APC2: variants seen among roughly 807,000 people sequenced by gnomAD.
APC2 encodes the protein adenomatous polyposis coli protein 2.
Under a neutral mutation model 72.5 loss-of-function variants are expected in APC2, and 41 were observed. The ratio of observed to expected loss-of-function variants is 0.57; its 90% CI spans 0.44 to 0.73. The LOEUF (loss-of-function observed/expected upper bound fraction) is 0.73. Ranked by LOEUF, APC2 falls within the 30% of genes least tolerant of loss-of-function variation. APC2 has a pLI of 0.00. For missense variants in APC2, 3,729 were observed against 3,403.4 expected (o/e 1.10, Z -2.38); for synonymous variants, 1,898 against 1,612.0 (o/e 1.18, Z -4.25).
chr19:1,460,798 C>T lies in APC2; in HGVS notation c.1462C>T (p.Arg488Cys), dbSNP rs767872968. The change falls in exon 12 of 15, where the codon CGC becomes TGC. Residue 488 changes from arginine (R) to cysteine (C), a missense_variant. By Grantham distance (180) the Arg-to-Cys change is radical. Transcript: ENST00000590469. ...VANKATLCAR[R>C]GCMEAIVAQL... ...CCAACAGGCCACCCTGTGTGCGCGC[C>T]GCGGCTGCATGGAGGCCATCGTGGC... 12 of 1,613,014 alleles carry T rather than the reference C, an allele frequency of 7.4e-6. No individual in the cohort carries two copies. The highest frequency in any genetic ancestry group is 2.2e-5 in the East Asian group (1 of 44,894).
Position 1,462,089 on chromosome 19 carries a change from T to G in APC2, c.1765T>G (p.Cys589Gly). The G allele has an allele frequency of 6.2e-7, 1 of 1,612,934 alleles. No individual in the cohort carries two copies. The highest frequency in any genetic ancestry group is 1.1e-5 in the South Asian group (1 of 91,084). ...GFLVSTLTYKCQSNSLAIIES... is the reference protein window; with the variant it reads ...GFLVSTLTYKGQSNSLAIIES... ...CCTGGTGAGCACCCTGACCTACAAG[T>G]GTCAGAGCAACTCGCTGGCCATCAT... The change falls in exon 14 of 15, where the codon TGT becomes GGT. Residue 589 changes from cysteine to glycine, a missense_variant. Coordinates refer to ENST00000590469, the MANE Select transcript of APC2 (RefSeq NM_005883.3).
In APC2 at chr19:1,453,582, C is replaced by A. The variant is rs1214826259; in HGVS notation, c.384C>A (p.Ile128=). The A allele has an allele frequency of 1.2e-6, 2 of 1,607,766 alleles. No individual in the cohort carries two copies. Among genetic ancestry groups the A allele is most frequent in the Non-Finnish European group, 1.7e-6 (2 of 1,177,904 alleles). The stretch of plus-strand genomic sequence containing the variant: ...TTGGGGAGCTGAGCCGGGCCACCAT[C>A]CGGCTGCTGGAGGAACTGGACCGGG... ...DSFGELSRAT[I]RLLEELDRER... Residue 128 remains isoleucine, a synonymous_variant, in exon 4 of 15, where the codon ATC becomes ATA. Coordinates refer to ENST00000590469, the MANE Select transcript of APC2 (RefSeq NM_005883.3).
In APC2 at chr19:1,470,547, G is replaced by A. The variant is rs78332030; in HGVS notation, c.*334G>A. 0.041 allele frequency: 10,282 copies of A among 251,712 alleles called. 289 individuals carry two copies. The highest frequency in any genetic ancestry group is 0.084 in the Middle Eastern group (68 of 810). The allele number at this position is 251,712 out of a possible 1,614,324, so 15.6% of individuals were successfully genotyped here. On this transcript the variant is annotated 3_prime_UTR_variant, in exon 15 of 15. Coordinates refer to ENST00000590469, the MANE Select transcript of APC2 (RefSeq NM_005883.3). ...TTGCTTGACCCCGGGCGAGGGAGGC[G>A]GTAGCCTCCGGGTCCGGGTCTGGGT...
At position 1,460,545 on chromosome 19, in the gene APC2, C is replaced by G. The variant is rs544926204; in HGVS notation, c.1443+225C>G. Among the ~76,000 whole-genome samples, 3 of 152,382 alleles carry G rather than the reference C, an allele frequency of 2.0e-5. No individual in the cohort carries two copies. In the South Asian group the frequency reaches 6.2e-4, roughly 32 times the overall value. ...GTCCTCACGCCCACCCTGTTGCTGC[C>G]TCTGCAGAAAATGGCCCTCATTGTA... On this transcript the variant is annotated intron_variant, in intron 11 of 14. Coordinates refer to ENST00000590469, the MANE Select transcript of APC2 (RefSeq NM_005883.3).
intron 10 of APC2, 80 bp downstream of exon 10, chr19:1,458,140 G>A: frequency 1.5e-6 from 2 of 1,327,204 alleles, no homozygotes; most frequent in Non-Finnish European, 2.1e-6. Context: ...AAGGGACACA[G>A]GCTGGGTCAT....
intron 7 of APC2, 34 bp from the exon 8 acceptor site, chr19:1,456,272 G>A (rs2083824350): frequency 6.3e-7 from 1 of 1,586,032 alleles, no homozygotes. Context: ...GGTGCTCTGG[G>A]ACTGTACCCC....
At chr19:1,460,520 G>A (rs1039591105) in intron 11 of APC2, among the ~76,000 whole-genome samples, 200 bp downstream of exon 11, 2 of 152,240 alleles carry the variant, frequency 1.3e-5, no homozygotes, top group Non-Finnish European at 1.5e-5. Context: ...ACCTGGCGGT[G>A]TCCTCACGCC....
chr19:1,465,943 A>G lies in APC2; in HGVS notation c.2642A>G (p.Gln881Arg). ...AGCCTCAGCTCTGGAGACCCGGGACAGGAGGCGCCACGGGAGGGCCGCGCC... is the reference window on the plus strand; with the variant it reads ...AGCCTCAGCTCTGGAGACCCGGGACGGGAGGCGCCACGGGAGGGCCGCGCC... Reference protein sequence around the residue: ...SFSLSSGDPGQEAPREGRAQS... With the variant: ...SFSLSSGDPGREAPREGRAQS... The change falls in exon 15 of 15, where the codon CAG becomes CGG. Residue 881 changes from glutamine (Q) to arginine (R), a missense_variant. Gln to Arg is a conservative substitution (Grantham distance 43). Coordinates refer to ENST00000590469, the MANE Select transcript of APC2 (RefSeq NM_005883.3). The G allele has an allele frequency of 6.3e-7, 1 of 1,581,132 alleles. No individual in the cohort carries two copies. The highest frequency in any genetic ancestry group is 8.6e-7 in the Non-Finnish European group (1 of 1,169,190).
chr19:1,446,368 G>A (rs1599122818), upstream of APC2: 1 of 985,378 alleles, frequency 1.0e-6, no homozygotes, highest in Non-Finnish European at 1.2e-6. The surrounding 1 kb of genome is among the most constrained non-coding windows in gnomAD (Gnocchi z 6.1). Flanking sequence ...GAGCCGTTGG[G>A]GAGGGCTCCG....
chr19:1,467,625 C>T lies in APC2; in HGVS notation c.4324C>T (p.Arg1442Trp), dbSNP rs1270291994. The change falls in exon 15 of 15, where the codon CGG (arginine) becomes TGG (tryptophan). Residue 1442 changes from arginine (R) to tryptophan (W), a missense_variant. Transcript: ENST00000590469. The part of the protein sequence containing the change: ...PTSARQAMGH[R>W]HKAGGAGRSA... ...CTCTGCCAGACAGGCCATGGGGCAC[C>T]GGCACAAGGCGGGAGGCGCCGGCCG... 9 of 1,488,182 alleles carry T rather than the reference C, an allele frequency of 6.0e-6. No homozygotes were observed. Among genetic ancestry groups the T allele is most frequent in the African/African-American group, 4.4e-5 (3 of 68,430 alleles). 92.2% of individuals were successfully genotyped at this position (1,488,182 alleles called of 1,614,324 possible).
chr19:1,469,409 CT>C lies in APC2; in HGVS notation c.6110del (p.Phe2037SerfsTer298). The C allele has an allele frequency of 8.3e-7, 1 of 1,203,650 alleles. No individual in the cohort carries two copies. Among genetic ancestry groups the C allele is most frequent in the Non-Finnish European group, 1.0e-6 (1 of 970,898 alleles). The allele number at this position is 1,203,650 out of a possible 1,614,324, so 74.6% of individuals were successfully genotyped here. On this transcript the variant is annotated frameshift_variant, in exon 15 of 15. Transcript: ENST00000590469. LOFTEE classifies it low-confidence loss of function (END_TRUNC). ...RRGRPALPAV[F>X]LCSSRCEELR... is the part of the protein sequence containing the mutation. ...GCGGCCGGCCCGCGCTGCCCGCCGT[CT>C]TCCTCTGCTCCTCGCGCTGCGAAGA...
At chr19:1,463,618 C>T (rs1223502742) in intron 14 of APC2, among the ~76,000 whole-genome samples, 4 of 149,598 alleles carry the variant, frequency 2.7e-5, no homozygotes, top group Non-Finnish European at 4.4e-5. Flanking sequence ...CTTGGCTTGG[C>T]GTCCACATGT....
chr19:1,465,018 A>T (rs2083983610), intron 14 of APC2, 137 bp from the exon 15 acceptor site: 1 of 827,994 alleles, frequency 1.2e-6, no homozygotes, highest in African/African-American at 1.8e-5. Context: ...GGATATACTT[A>T]TACCAAAAAT....
Position 1,466,516 on chromosome 19 carries a change from C to A in APC2, c.3215C>A (p.Ser1072Tyr), listed in dbSNP as rs1294337241. The change falls in exon 15 of 15, where the codon TCC becomes TAC. Residue 1072 changes from serine to tyrosine, a missense_variant. By Grantham distance (144) the Ser-to-Tyr change is moderately radical (BLOSUM62 -2). Coordinates refer to ENST00000590469, the MANE Select transcript of APC2 (RefSeq NM_005883.3). ...CCACTCTCGCTGTCCCGATGCAGCT[C>A]CCTTTCCTCGCTGTCCTCGGCCGGC... is the stretch of plus-strand genomic sequence containing the variant. ...EGPLSLSRCS[S>Y]LSSLSSAGRP... is the part of the protein sequence containing the mutation. 6.3e-7 allele frequency: 1 copy of A among 1,595,780 alleles called. No individual in the cohort carries two copies. The highest frequency in any genetic ancestry group is 1.7e-5 in the Admixed American group (1 of 59,722).
chr19:1,467,724 G>T lies in APC2; in HGVS notation c.4423G>T (p.Ala1475Ser), dbSNP rs769963414. Residue 1475 changes from alanine to serine, a missense_variant, in exon 15 of 15, where the codon GCC becomes TCC. Ala to Ser is a moderately conservative substitution (Grantham distance 99). Transcript: ENST00000590469. ...LELPLGRPPS[A>S]PADKDGSKPG... ...GCTGCCCCTGGGCCGGCCCCCGAGC[G>T]CCCCCGCAGACAAGGACGGCTCAAA... is the stretch of plus-strand genomic sequence containing the variant. The T allele has an allele frequency of 8.4e-6, 12 of 1,434,862 alleles. No homozygotes were observed. The highest frequency in any genetic ancestry group is 1.1e-5 in the Non-Finnish European group (12 of 1,103,096). 88.9% of individuals were successfully genotyped at this position (1,434,862 alleles called of 1,614,324 possible).
intron 10 of APC2, chr19:1,458,608 G>C (rs978071936): frequency 3.2e-5 from 5 of 156,242 alleles, no homozygotes; most frequent in Non-Finnish European, 5.7e-5. Flanking sequence ...GGAGGCTGAG[G>C]TGGGAGGATC....
At chr19:1,456,274 C>T in intron 7 of APC2, 32 bp from the exon 8 acceptor site, 1 of 1,587,760 alleles carries the variant, frequency 6.3e-7, no homozygotes. Context: ...TGCTCTGGGA[C>T]TGTACCCCCG....
intron 8 of APC2, 151 bp from the exon 9 acceptor site, chr19:1,456,702 G>A (rs2083833240): frequency 2.8e-6 from 3 of 1,069,432 alleles, no homozygotes; most frequent in Non-Finnish European, 3.9e-6. Context: ...CCCGAAGCAC[G>A]TGTGCAGCCT....
At position 1,470,166 on chromosome 19, in the gene APC2, GC is replaced by G; in HGVS notation, c.6867del (p.Ala2290ArgfsTer45). The part of the protein sequence containing the change: ...PMVVAATTDS[A>X]AEKAPATASA... ...GGTGGTCGCAGCCACCACCGACTCG[GC>G]CGCGGAGAAAGCCCCGGCCACTGCC... On this transcript the variant is annotated frameshift_variant, in exon 15 of 15. Coordinates refer to ENST00000590469, the MANE Select transcript of APC2 (RefSeq NM_005883.3). LOFTEE classifies it high-confidence loss of function. 6.2e-7 allele frequency: 1 copy of G among 1,603,132 alleles called. No homozygotes were observed.
Sources: allele counts gnomAD v4.1 joint callset (sites outside exome capture counted in the v4.1 genomes callset), GRCh38; gene constraint gnomAD v4.1.1; non-coding constraint Gnocchi (gnomAD v3.1); transcripts MANE v1.5; gene names NCBI Gene and HGNC (gene_info 2026-07-23, HGNC 2026-07-21).